The following CHST9 variants were observed in gnomAD, a reference collection of about 807,000 sequenced individuals.
CHST9 encodes carbohydrate sulfotransferase 9, also known as GalNAc-4-sulfotransferase 2.
Under a neutral mutation model 44.4 loss-of-function variants are expected in CHST9, and 41 were observed. That is an observed-to-expected ratio of 0.92 (90% CI 0.72 to 1.20). The LOEUF (loss-of-function observed/expected upper bound fraction) is 1.20. Among genes scored for constraint, CHST9 ranks in the 50% most tolerant of loss-of-function variants. The probability of loss-of-function intolerance (pLI) is 0.00; values close to 1 mark genes in which losing one functional copy is unlikely to be tolerated. For synonymous variants in CHST9, 171 were observed against 178.4 expected, an observed-to-expected ratio of 0.96 and a Z score of 0.33; for missense variants, 504 against 516.5, an observed-to-expected ratio of 0.98 and a Z score of 0.23.
intron 2 of CHST9, among the ~76,000 whole-genome samples, chr18:27,091,920 G>A (rs1188170169): frequency 1.2e-4 from 18 of 152,074 alleles, no homozygotes; most frequent in Non-Finnish European, 1.8e-4. Flanking sequence ...TTTTTGTTGT[G>A]TCTCTGCCAG....
intron 1 of CHST9, among the ~76,000 whole-genome samples, chr18:27,146,988 A>G (rs1321614123): frequency 3.9e-5 from 6 of 152,230 alleles, no homozygotes; most frequent in African/African-American, 1.4e-4. Context: ...GGACTTAAGT[A>G]TAGCAATAAA....
At chr18:27,091,473 CA>C (rs1404403282) in intron 2 of CHST9, among the ~76,000 whole-genome samples, 2 of 152,106 alleles carry the variant, frequency 1.3e-5, no homozygotes, top group African/African-American at 4.8e-5. Flanking sequence ...CCAGAATTTC[CA>C]ACACTATGTT....
chr18:27,096,928 A>G (rs1405072387), intron 2 of CHST9, among the ~76,000 whole-genome samples: 1 of 152,096 alleles, frequency 6.6e-6, no homozygotes, highest in Non-Finnish European at 1.5e-5. Flanking sequence ...TCACTCTATG[A>G]AGCCAGCATC....
At chr18:27,109,111 T>A (rs138812352) in intron 2 of CHST9, among the ~76,000 whole-genome samples, 20 of 152,296 alleles carry the variant, frequency 1.3e-4, no homozygotes, top group South Asian at 6.2e-4. Context: ...ATTAGATGCC[T>A]GTTGTGTTTC....
chr18:26,985,706 A>G (rs2145199030), intron 4 of CHST9, among the ~76,000 whole-genome samples: 1 of 152,336 alleles, frequency 6.6e-6, no homozygotes, highest in Non-Finnish European at 1.5e-5. Flanking sequence ...GAGTACATGC[A>G]TATGTCATAA....
intron 4 of CHST9, among the ~76,000 whole-genome samples, chr18:26,953,790 C>T (rs1056275539): frequency 6.6e-6 from 1 of 152,148 alleles, no homozygotes; most frequent in African/African-American, 2.4e-5. Flanking sequence ...CCCAATTAGC[C>T]TGCTCCTTTC....
intron 2 of CHST9, among the ~76,000 whole-genome samples, chr18:27,089,949 T>G (rs56880689): frequency 0.068 from 10,275 of 151,936 alleles, 441 homozygotes; most frequent in East Asian, 0.14. Flanking sequence ...TAGCTGGGAC[T>G]ACAGGTGCCC....
intron 2 of CHST9, among the ~76,000 whole-genome samples, chr18:27,132,505 TCA>T (rs896303112): frequency 2.0e-5 from 3 of 152,122 alleles, no homozygotes; most frequent in Non-Finnish European, 4.4e-5. Context: ...TGGGGTGAAT[TCA>T]CTCATACAGC....
chr18:26,934,629 G>A, intron 5 of CHST9: 1 of 152,236 alleles, frequency 6.6e-6, no homozygotes, highest in East Asian at 1.9e-4. Context: ...GAAGATCCTG[G>A]AGAGAGACTG....
intron 2 of CHST9, among the ~76,000 whole-genome samples, chr18:27,054,208 G>A (rs1017954476): frequency 2.6e-5 from 4 of 152,130 alleles, no homozygotes; most frequent in African/African-American, 9.7e-5. Context: ...AGAGCTTTTA[G>A]CAGGTATGTA....
chr18:27,026,356 T>C (rs2057285096), intron 3 of CHST9, among the ~76,000 whole-genome samples: 1 of 152,196 alleles, frequency 6.6e-6, no homozygotes, highest in Admixed American at 6.5e-5. Flanking sequence ...TTCCTCTTTT[T>C]AACTTCTCTG....
intron 4 of CHST9, among the ~76,000 whole-genome samples, chr18:26,960,318 T>G (rs1230102724): frequency 3.3e-5 from 5 of 152,208 alleles, no homozygotes; most frequent in Non-Finnish European, 5.9e-5. Context: ...ATGTTTCAAA[T>G]TATTCAACTT....
intron 4 of CHST9, among the ~76,000 whole-genome samples, chr18:26,976,006 C>G (rs998556346): frequency 1.3e-5 from 2 of 151,442 alleles, no homozygotes; most frequent in Admixed American, 1.3e-4. Context: ...CCAGTGAGCC[C>G]GAGCAATCTT....
chr18:26,917,097 T>C lies in CHST9; in HGVS notation c.494A>G (p.Asp165Gly), dbSNP rs1459442106. Residue 165 changes from aspartate to glycine, a missense_variant, in exon 6 of 6, where the codon GAT becomes GGT. Asp to Gly is a moderately conservative substitution (Grantham distance 94). Transcript: ENST00000618847. ...IHPLNKSLVK[D>G]NKWKKTEETQ... is the part of the protein sequence containing the mutation. Reference sequence around the variant, plus strand: ...CTCCTCAGTTTTCTTCCATTTATTATCTTTGACTAAACTTTTGTTTAAAGG... The same window carrying C: ...CTCCTCAGTTTTCTTCCATTTATTACCTTTGACTAAACTTTTGTTTAAAGG... 6.2e-7 allele frequency: 1 copy of C among 1,614,004 alleles called. No individual in the cohort carries two copies. Among genetic ancestry groups the C allele is most frequent in the Non-Finnish European group, 8.5e-7 (1 of 1,179,904 alleles).
At chr18:27,093,419 A>G (rs1332271951) in intron 2 of CHST9, among the ~76,000 whole-genome samples, 1 of 152,196 alleles carries the variant, frequency 6.6e-6, no homozygotes, top group Non-Finnish European at 1.5e-5. Flanking sequence ...AGCTTCCTGG[A>G]CGCTTTGTTT....
intron 3 of CHST9, among the ~76,000 whole-genome samples, chr18:27,035,394 T>A (rs1326199839): frequency 6.6e-6 from 1 of 152,182 alleles, no homozygotes; most frequent in East Asian, 1.9e-4. Context: ...GCATTTCTTA[T>A]ATAATTGCAG....
intron 1 of CHST9, among the ~76,000 whole-genome samples, chr18:27,153,440 G>C (rs528289598): frequency 6.6e-6 from 1 of 151,858 alleles, no homozygotes. Context: ...ATGTGGTTGC[G>C]TAGATCTAGT....
chr18:27,073,406 G>A (rs562294462), intron 2 of CHST9, among the ~76,000 whole-genome samples: 3 of 129,048 alleles, frequency 2.3e-5, no homozygotes, highest in Non-Finnish European at 4.9e-5. Context: ...GATGGGGGTG[G>A]GGGGTGGGGG....
At chr18:27,143,008 G>A in intron 1 of CHST9, 103 bp from the exon 2 acceptor site, 1 of 425,892 alleles carries the variant, frequency 2.3e-6, no homozygotes, top group Non-Finnish European at 4.1e-6. Flanking sequence ...GACTTAATGT[G>A]CACACTAATG....
Sources: allele counts gnomAD v4.1 joint callset (sites outside exome capture counted in the v4.1 genomes callset), GRCh38; gene constraint gnomAD v4.1.1; transcripts MANE v1.5; gene names NCBI Gene and HGNC (gene_info 2026-07-23, HGNC 2026-07-21).